The following SCAPER variants were observed in gnomAD, a reference collection of about 807,000 sequenced individuals.
The protein encoded by SCAPER is S phase cyclin A-associated protein in the endoplasmic reticulum.
In SCAPER, 98 loss-of-function variants were observed where a neutral mutation model predicts 182.2. The observed-to-expected ratio is 0.54, with a 90% confidence interval of 0.46 to 0.64. SCAPER has a LOEUF of 0.64. Among genes scored for constraint, SCAPER ranks in the 30% least tolerant of loss-of-function variants. The pLI, the probability that SCAPER is intolerant of heterozygous loss-of-function variation, is 0.00. For missense variants in SCAPER, 1,432 were observed against 1,690.0 expected, an observed-to-expected ratio of 0.85 and a Z score of 2.68; for synonymous variants, 605 against 564.6, an observed-to-expected ratio of 1.07 and a Z score of -1.01.
intron 2 of SCAPER, among the ~76,000 whole-genome samples, chr15:76,877,079 A>G (rs1172514060): frequency 6.6e-6 from 1 of 152,050 alleles, no homozygotes; most frequent in Non-Finnish European, 1.5e-5. Flanking sequence ...TCTACAAAAA[A>G]TTTAAAAAAT....
intron 5 of SCAPER, among the ~76,000 whole-genome samples, chr15:76,820,829 C>G (rs957503179): frequency 6.6e-6 from 1 of 151,532 alleles, no homozygotes; most frequent in African/African-American, 2.4e-5. Context: ...TTAACAGACA[C>G]TTCACCAAAG....
At chr15:76,804,870 C>T (rs2066039638) in intron 5 of SCAPER, among the ~76,000 whole-genome samples, 1 of 151,934 alleles carries the variant, frequency 6.6e-6, no homozygotes, top group African/African-American at 2.4e-5. Context: ...AAACCTCCCC[C>T]AATAGCCATC....
chr15:76,859,056 T>C (rs886868670), intron 3 of SCAPER, among the ~76,000 whole-genome samples: 3 of 152,262 alleles, frequency 2.0e-5, no homozygotes, highest in African/African-American at 7.2e-5. Context: ...AAAAGTGCTT[T>C]CCACAATGGC....
In SCAPER at chr15:76,701,882, A is replaced by G; in HGVS notation, c.2401-17T>C. ...TGAAGAGATCTGAAAGCACAAAATC[A>G]AAGCAATGTAATCAATATAACATTA... is the stretch of plus-strand genomic sequence containing the variant. On this transcript the variant is annotated splice_polypyrimidine_tract_variant and intron_variant, in intron 19 of 31. Coordinates refer to ENST00000563290, the MANE Select transcript of SCAPER (RefSeq NM_020843.4). 2 of 1,555,366 alleles carry G rather than the reference A, an allele frequency of 1.3e-6. No homozygotes were observed. Among genetic ancestry groups the G allele is most frequent in the South Asian group, 1.1e-5 (1 of 89,698 alleles).
intron 26 of SCAPER, among the ~76,000 whole-genome samples, chr15:76,427,078 T>TA (rs907388538): frequency 6.6e-6 from 1 of 152,096 alleles, no homozygotes; most frequent in African/African-American, 2.4e-5. Flanking sequence ...CAAAATAAGT[T>TA]AAAAATGTAA....
Position 76,704,393 on chromosome 15 carries a change from T to C in SCAPER, c.2248-1391A>G, listed in dbSNP as rs200993071. Among the ~76,000 whole-genome samples, 34 of 152,332 alleles carry C rather than the reference T, an allele frequency of 2.2e-4. 1 individual carries two copies. The East Asian group carries it at 6.6e-3, about 29-fold the overall frequency. On this transcript the variant is annotated intron_variant, in intron 18 of 31. Transcript: ENST00000563290. ...TTTGGTGTTTTAGACATGAAGTCCT[T>C]GCCCATGCCTATGTCCTGAATGGTA... is the stretch of plus-strand genomic sequence containing the variant.
At chr15:76,678,042 T>A (rs2146954477) in intron 20 of SCAPER, among the ~76,000 whole-genome samples, 1 of 152,140 alleles carries the variant, frequency 6.6e-6, no homozygotes, top group East Asian at 1.9e-4. Context: ...ATGAAGCAAA[T>A]AATCTCCTTC....
intron 26 of SCAPER, among the ~76,000 whole-genome samples, chr15:76,405,535 G>T (rs1007675743): frequency 6.6e-6 from 1 of 152,182 alleles, no homozygotes. Context: ...CAGTCCTGAG[G>T]GTTGACAACA....
At chr15:76,437,473 T>G (rs1185998594) in intron 25 of SCAPER, among the ~76,000 whole-genome samples, 1 of 152,234 alleles carries the variant, frequency 6.6e-6, no homozygotes, top group Admixed American at 6.5e-5. Context: ...AGAATGTAAT[T>G]TATGTGTTCA....
chr15:76,606,101 A>C (rs1470066490), intron 22 of SCAPER, among the ~76,000 whole-genome samples: 2 of 151,884 alleles, frequency 1.3e-5, no homozygotes, highest in African/African-American at 2.4e-5. Flanking sequence ...TAGTTCTTTT[A>C]ATTGTGATGT....
intron 25 of SCAPER, among the ~76,000 whole-genome samples, chr15:76,459,676 T>C (rs984758282): frequency 6.6e-6 from 1 of 152,186 alleles, no homozygotes; most frequent in African/African-American, 2.4e-5. Context: ...AAAAGGTTTT[T>C]AGTTTAATAT....
intron 14 of SCAPER, among the ~76,000 whole-genome samples, chr15:76,758,138 TTC>T (rs983602120): frequency 6.6e-6 from 1 of 152,206 alleles, no homozygotes; most frequent in African/African-American, 2.4e-5. Context: ...GACTGTGTTT[TTC>T]TGTCATATTC....
At chr15:76,697,128 G>T (rs2058694048) in intron 20 of SCAPER, among the ~76,000 whole-genome samples, 1 of 151,992 alleles carries the variant, frequency 6.6e-6, no homozygotes, top group African/African-American at 2.4e-5. Flanking sequence ...CAGACAAGGT[G>T]TATATAATAT....
At chr15:76,510,759 A>G (rs549786301) in intron 23 of SCAPER, among the ~76,000 whole-genome samples, 1 of 152,368 alleles carries the variant, frequency 6.6e-6, no homozygotes, top group South Asian at 2.1e-4. Flanking sequence ...TGCTAAAAAG[A>G]TACTTGCTCA....
At chr15:76,533,883 G>A (rs2043895914) in intron 23 of SCAPER, among the ~76,000 whole-genome samples, 5 of 152,152 alleles carry the variant, frequency 3.3e-5, no homozygotes, top group Admixed American at 3.3e-4. Flanking sequence ...TACAATGTGA[G>A]TTTCCACATT....
chr15:76,821,263 G>A (rs1335756097), intron 5 of SCAPER, among the ~76,000 whole-genome samples: 1 of 152,114 alleles, frequency 6.6e-6, no homozygotes, highest in Non-Finnish European at 1.5e-5. Context: ...AACAAACTGT[G>A]GTACATCCAG....
At chr15:76,549,846 A>T (rs1355784728) in intron 23 of SCAPER, among the ~76,000 whole-genome samples, 1 of 152,218 alleles carries the variant, frequency 6.6e-6, no homozygotes, top group Non-Finnish European at 1.5e-5. Context: ...TAAGATCTGA[A>T]ACTCTAAAAC....
At chr15:76,715,156 T>C (rs888377360) in intron 17 of SCAPER, among the ~76,000 whole-genome samples, 2 of 151,956 alleles carry the variant, frequency 1.3e-5, no homozygotes, top group East Asian at 3.9e-4. Context: ...ACAGAAACAG[T>C]TGATACCTCC....
intron 20 of SCAPER, among the ~76,000 whole-genome samples, chr15:76,679,662 C>T (rs1035795371): frequency 1.3e-5 from 2 of 152,010 alleles, no homozygotes; most frequent in African/African-American, 4.8e-5. Flanking sequence ...GAAACAGACA[C>T]CATGCAAAAG....
Sources: gnomAD v4.1 joint callset for allele counts (sites outside exome capture counted in the v4.1 genomes callset) on GRCh38, gnomAD v4.1.1 for gene constraint, MANE v1.5 for transcripts, NCBI Gene and HGNC (gene_info 2026-07-23, HGNC 2026-07-21) for gene names.